PTPRR: variants seen among roughly 807,000 people sequenced by gnomAD.
PTPRR encodes receptor-type tyrosine-protein phosphatase R.
A neutral mutation model predicts 77.2 loss-of-function variants in PTPRR; 38 were observed. The observed-to-expected ratio is 0.49, with a 90% confidence interval of 0.38 to 0.65. The LOEUF (loss-of-function observed/expected upper bound fraction) is 0.65, where lower values mean the gene tolerates loss of function less well. Ranked by LOEUF, PTPRR falls within the 30% of genes least tolerant of loss-of-function variation. The probability of loss-of-function intolerance (pLI) is 0.00; values close to 1 mark genes in which losing one functional copy is unlikely to be tolerated. For missense variants in PTPRR, 744 were observed against 799.2 expected (o/e 0.93, Z 0.83); for synonymous variants, 299 against 283.1 (o/e 1.06, Z -0.57).
chr12:70,844,031 G>C (rs759598456), intron 2 of PTPRR, among the ~76,000 whole-genome samples: 1 of 151,816 alleles, frequency 6.6e-6, no homozygotes, highest in Non-Finnish European at 1.5e-5. Context: ...GGCCAGGCTC[G>C]TCTCAAACTC....
At chr12:70,918,918 C>T (rs1893813370) in intron 1 of PTPRR, among the ~76,000 whole-genome samples, 2 of 152,238 alleles carry the variant, frequency 1.3e-5, no homozygotes, top group Admixed American at 1.3e-4. Context: ...CAGCTGTTTG[C>T]AAATAATTTA....
At chr12:70,655,310 C>T (rs544806578) in intron 13 of PTPRR, among the ~76,000 whole-genome samples, 34 of 152,254 alleles carry the variant, frequency 2.2e-4, no homozygotes, top group African/African-American at 7.2e-4. Flanking sequence ...TAAAACAGTG[C>T]AGCCACTGCA....
chr12:70,851,578 C>G (rs1217012886), intron 2 of PTPRR, among the ~76,000 whole-genome samples: 1 of 152,034 alleles, frequency 6.6e-6, no homozygotes, highest in Non-Finnish European at 1.5e-5. Context: ...AGAGAATCCA[C>G]TCTGTAGGTG....
At position 70,689,452 on chromosome 12, in the gene PTPRR, A is replaced by G. The variant is rs10879180; in HGVS notation, c.1280-4669T>C. ...CATAAAATCTATTACACCCTTTGTAATGTAGAAAGACTTCTGCTAGACTGC... is the reference window on the plus strand; with the variant it reads ...CATAAAATCTATTACACCCTTTGTAGTGTAGAAAGACTTCTGCTAGACTGC... On this transcript the variant is annotated intron_variant, in intron 8 of 13. Transcript: ENST00000283228. Among the ~76,000 whole-genome samples, 1,080 of 152,256 alleles carry G rather than the reference A, an allele frequency of 7.1e-3. 8 individuals carry two copies. The highest frequency in any genetic ancestry group is 0.01 in the Non-Finnish European group (710 of 68,008).
intron 2 of PTPRR, among the ~76,000 whole-genome samples, chr12:70,888,464 G>C (rs1893279839): frequency 6.6e-6 from 1 of 151,906 alleles, no homozygotes. Context: ...ACTTTCAGTA[G>C]TTGTTGTTTA....
chr12:70,904,804 T>C (rs1030332670), intron 1 of PTPRR, among the ~76,000 whole-genome samples: 1 of 151,890 alleles, frequency 6.6e-6, no homozygotes, highest in Admixed American at 6.6e-5. Context: ...TTCAGTGTGT[T>C]GGGAAGGGAC....
intron 6 of PTPRR, among the ~76,000 whole-genome samples, chr12:70,743,897 C>A (rs74446955): frequency 4.6e-5 from 7 of 152,128 alleles, no homozygotes; most frequent in Admixed American, 2.0e-4. Flanking sequence ...CTTTCCTAGA[C>A]AATTTTATTC....
intron 10 of PTPRR, chr12:70,672,786 T>C (rs907585451): frequency 1.9e-6 from 3 of 1,561,680 alleles, no homozygotes; most frequent in Non-Finnish European, 2.6e-6. Flanking sequence ...GGAAACCTTC[T>C]GTCTTTCTCA....
At chr12:70,686,383 G>T (rs1887870596) in intron 8 of PTPRR, among the ~76,000 whole-genome samples, 1 of 152,108 alleles carries the variant, frequency 6.6e-6, no homozygotes, top group Admixed American at 6.6e-5. Context: ...TATAACTGGG[G>T]TTAAAGATAA....
intron 1 of PTPRR, among the ~76,000 whole-genome samples, chr12:70,894,086 A>G (rs4760847): frequency 0.29 from 43,632 of 151,676 alleles, 7,139 homozygotes; most frequent in East Asian, 0.48. Flanking sequence ...GTTTTATAAC[A>G]TAGTCCCTAG....
chr12:70,841,305 T>C (rs185284710), intron 2 of PTPRR, among the ~76,000 whole-genome samples: 1 of 152,156 alleles, frequency 6.6e-6, no homozygotes, highest in East Asian at 1.9e-4. Flanking sequence ...ATGAAAAGAT[T>C]TGATTTTAAA....
At chr12:70,915,459 C>T (rs1893761372) in intron 1 of PTPRR, among the ~76,000 whole-genome samples, 1 of 152,136 alleles carries the variant, frequency 6.6e-6, no homozygotes, top group South Asian at 2.1e-4. Context: ...TCCTGTGTCT[C>T]TTAAGTACCA....
intron 2 of PTPRR, among the ~76,000 whole-genome samples, chr12:70,870,169 C>T (rs1416121548): frequency 6.6e-6 from 1 of 152,176 alleles, no homozygotes; most frequent in East Asian, 1.9e-4. Flanking sequence ...AGCCATCAAT[C>T]ATCTCCAGTT....
chr12:70,901,223 T>C (rs1238218789), intron 1 of PTPRR, among the ~76,000 whole-genome samples: 2 of 151,554 alleles, frequency 1.3e-5, no homozygotes, highest in African/African-American at 4.8e-5. Context: ...AAAATAGAAC[T>C]ACCATATGTT....
At chr12:70,906,552 C>T (rs1893625343) in intron 1 of PTPRR, among the ~76,000 whole-genome samples, 1 of 152,006 alleles carries the variant, frequency 6.6e-6, no homozygotes, top group Non-Finnish European at 1.5e-5. Flanking sequence ...CTAAACCCCA[C>T]TGATAAACAT....
intron 8 of PTPRR, among the ~76,000 whole-genome samples, chr12:70,685,996 A>C (rs1887854324): frequency 6.6e-6 from 1 of 152,204 alleles, no homozygotes; most frequent in South Asian, 2.1e-4. Flanking sequence ...TGCAGCTCTC[A>C]TGCGAAGATA....
intron 4 of PTPRR, among the ~76,000 whole-genome samples, chr12:70,757,434 C>G (rs2136954868): frequency 6.6e-6 from 1 of 152,178 alleles, no homozygotes; most frequent in Middle Eastern, 3.4e-3. Flanking sequence ...TGGGATTTTA[C>G]TTATTAGGCA....
chr12:70,674,504 TTG>T (rs932774707), intron 10 of PTPRR, among the ~76,000 whole-genome samples: 5 of 152,022 alleles, frequency 3.3e-5, no homozygotes, highest in African/African-American at 1.2e-4. Flanking sequence ...CATCCATGAA[TTG>T]TGTGTGTGTT....
At chr12:70,843,080 T>G (rs1401396979) in intron 2 of PTPRR, among the ~76,000 whole-genome samples, 1 of 152,128 alleles carries the variant, frequency 6.6e-6, no homozygotes, top group East Asian at 1.9e-4. Context: ...AAGACATACT[T>G]GTACAAAAAA....
Sources: allele counts gnomAD v4.1 joint callset (sites outside exome capture counted in the v4.1 genomes callset), GRCh38; gene constraint gnomAD v4.1.1; transcripts MANE v1.5; gene names NCBI Gene and HGNC (gene_info 2026-07-23, HGNC 2026-07-21).